Variants in RASGRF2 observed in about 807,000 individuals in gnomAD.
RASGRF2 encodes Ras protein specific guanine nucleotide releasing factor 2, also known as ras-specific guanine nucleotide-releasing factor 2.
Under a neutral mutation model 151.0 loss-of-function variants are expected in RASGRF2, and 76 were observed. The observed-to-expected ratio is 0.50, with a 90% CI of 0.42 to 0.61. RASGRF2 has a LOEUF of 0.61. Ranked by LOEUF, RASGRF2 falls within the 20% of genes least tolerant of loss-of-function variation. The pLI is 0.00. For missense variants in RASGRF2, 1,148 were observed against 1,564.6 expected (o/e 0.73, Z 4.49); for synonymous variants, 504 against 566.5 (o/e 0.89, Z 1.57).
At chr5:81,033,237 C>T (rs1248281889) in intron 1 of RASGRF2, among the ~76,000 whole-genome samples, 1 of 148,578 alleles carries the variant, frequency 6.7e-6, no homozygotes. Flanking sequence ...GTAATTTATA[C>T]ATTCAATGCC....
intron 17 of RASGRF2, among the ~76,000 whole-genome samples, chr5:81,175,764 A>G (rs1167152594): frequency 6.6e-6 from 1 of 152,026 alleles, no homozygotes; most frequent in Admixed American, 6.6e-5. Flanking sequence ...TCAAAAAAAA[A>G]AAAAAAAAAA....
At chr5:80,990,371 G>A (rs1204415750) in intron 1 of RASGRF2, among the ~76,000 whole-genome samples, 2 of 152,084 alleles carry the variant, frequency 1.3e-5, no homozygotes, top group Non-Finnish European at 2.9e-5. Flanking sequence ...GTCCAACCCA[G>A]AGCCAATACT....
At chr5:81,224,560 A>G (rs779594456) in intron 26 of RASGRF2, among the ~76,000 whole-genome samples, 10 of 152,254 alleles carry the variant, frequency 6.6e-5, no homozygotes, top group Non-Finnish European at 1.0e-4. Context: ...GGAAAATGAA[A>G]GCATGCTCAT....
chr5:80,988,426 GTTC>G (rs1446366795), intron 1 of RASGRF2, among the ~76,000 whole-genome samples: 2 of 152,130 alleles, frequency 1.3e-5, no homozygotes, highest in African/African-American at 4.8e-5. Context: ...GTTACCTAGA[GTTC>G]TTAGTACCAT....
intron 17 of RASGRF2, among the ~76,000 whole-genome samples, chr5:81,172,877 A>G (rs1356706891): frequency 6.6e-6 from 1 of 152,150 alleles, no homozygotes; most frequent in African/African-American, 2.4e-5. Context: ...GTGAGATTAT[A>G]AAACTAGCAA....
At chr5:81,084,945 A>G (rs1199709246) in intron 7 of RASGRF2, among the ~76,000 whole-genome samples, 1 of 152,136 alleles carries the variant, frequency 6.6e-6, no homozygotes, top group Non-Finnish European at 1.5e-5. Context: ...CAAGTTACCA[A>G]ACTTCTTCCC....
chr5:81,005,158 A>C (rs562068086), intron 1 of RASGRF2, among the ~76,000 whole-genome samples: 1 of 152,258 alleles, frequency 6.6e-6, no homozygotes, highest in East Asian at 1.9e-4. Flanking sequence ...TTAGTGTATT[A>C]TTCTATTCCC....
intron 2 of RASGRF2, among the ~76,000 whole-genome samples, chr5:81,044,503 G>T (rs538671273): frequency 6.6e-6 from 1 of 152,188 alleles, no homozygotes; most frequent in Admixed American, 6.5e-5. Context: ...CTGAAAGTCT[G>T]CCCTCCCCTT....
At chr5:80,972,189 T>C (rs1561532689) in intron 1 of RASGRF2, among the ~76,000 whole-genome samples, 2 of 152,210 alleles carry the variant, frequency 1.3e-5, no homozygotes, top group South Asian at 4.1e-4. Flanking sequence ...CATATTTCTG[T>C]TGGGTATATA....
At chr5:81,193,913 C>T (rs1755204906) in intron 18 of RASGRF2, among the ~76,000 whole-genome samples, 1 of 152,146 alleles carries the variant, frequency 6.6e-6, no homozygotes, top group South Asian at 2.1e-4. Context: ...AAGTCATGGG[C>T]CTGCCACTTG....
At chr5:81,010,212 G>GAC (rs1227304891) in intron 1 of RASGRF2, among the ~76,000 whole-genome samples, 2 of 151,690 alleles carry the variant, frequency 1.3e-5, no homozygotes, top group Non-Finnish European at 2.9e-5. Context: ...ATTTAACAGT[G>GAC]GTTGTCTTTG....
intron 24 of RASGRF2, among the ~76,000 whole-genome samples, chr5:81,216,348 T>TACACACACACACACACACAC (rs10648156): frequency 1.4e-5 from 2 of 147,524 alleles, no homozygotes; most frequent in Admixed American, 1.3e-4. Flanking sequence ...ATTCCCTTTC[T>TACACACACACACACACACAC]ACACACACAC....
At position 81,228,582 on chromosome 5, in the gene RASGRF2, A is replaced by T. The variant is rs1756047940; in HGVS notation, c.*2812A>T. On this transcript the variant is annotated 3_prime_UTR_variant, in exon 27 of 27. Transcript: ENST00000265080. ...TAGCGAACATGTATACTGTAAAATT[A>T]ACCTAGAAAATCAGAAGAAAAATCC... is the stretch of plus-strand genomic sequence containing the variant. 6.6e-6 allele frequency: 1 copy of T among 152,234 alleles called. No homozygotes were observed. Among genetic ancestry groups the T allele is most frequent in the South Asian group, 2.1e-4 (1 of 4,832 alleles). 9.4% of individuals were successfully genotyped at this position (152,234 alleles called of 1,614,324 possible). A position where few individuals can be genotyped will look rare whatever the true frequency, so the allele number is the denominator to read the frequency against.
At chr5:81,043,016 T>G in intron 2 of RASGRF2, 33 bp downstream of exon 2, 1 of 1,523,604 alleles carries the variant, frequency 6.6e-7, no homozygotes, top group South Asian at 1.2e-5. Flanking sequence ...TAGTACTTGA[T>G]TGTCTGGGTC....
At chr5:81,073,920 A>G (rs1046512605) in intron 5 of RASGRF2, among the ~76,000 whole-genome samples, 3 of 152,138 alleles carry the variant, frequency 2.0e-5, no homozygotes, top group African/African-American at 7.2e-5. Context: ...CCCAGCCTGC[A>G]TTGTTATTTT....
chr5:81,180,367 A>C (rs534337320), intron 18 of RASGRF2, 86 bp downstream of exon 18: 1 of 802,440 alleles, frequency 1.2e-6, no homozygotes, highest in Non-Finnish European at 2.2e-6. Flanking sequence ...ACACCTCCCT[A>C]CTCTTTGGAG....
chr5:81,098,510 A>G (rs1752608900), intron 12 of RASGRF2, among the ~76,000 whole-genome samples: 1 of 152,168 alleles, frequency 6.6e-6, no homozygotes, highest in Admixed American at 6.5e-5. Context: ...AGAATAGTGA[A>G]GAGGACCAAG....
rs145128821 is a variant in RASGRF2, at chr5:81,059,719, C to T, written c.396-8313C>T. Among the ~76,000 whole-genome samples, 48 of 152,022 alleles carry T rather than the reference C, an allele frequency of 3.2e-4. No individual in the cohort carries two copies. In the East Asian group the frequency reaches 7.2e-3, roughly 23 times the overall value. On this transcript the variant is annotated intron_variant, in intron 2 of 26. Transcript: ENST00000265080. ...AATTAGCCAGGCATGGTGGCGGGCA[C>T]CTGTAATCCCAGCTATTCAGGAGGC... is the stretch of plus-strand genomic sequence containing the variant.
intron 18 of RASGRF2, among the ~76,000 whole-genome samples, chr5:81,192,387 T>C (rs1208630910): frequency 6.6e-6 from 1 of 152,264 alleles, no homozygotes; most frequent in Non-Finnish European, 1.5e-5. Flanking sequence ...CTTCCTTATG[T>C]TTTTCTATTA....
Sources: allele counts gnomAD v4.1 joint callset (sites outside exome capture counted in the v4.1 genomes callset), GRCh38; gene constraint gnomAD v4.1.1; transcripts MANE v1.5; gene names NCBI Gene and HGNC (gene_info 2026-07-23, HGNC 2026-07-21).